TSPAN12: variants seen among roughly 807,000 people sequenced by gnomAD.
The protein encoded by TSPAN12 is tetraspanin-12.
TSPAN12 carries 19 observed loss-of-function variants against 39.2 expected under a neutral mutation model. That is an observed-to-expected ratio of 0.49 (90% CI 0.34 to 0.71). The LOEUF (loss-of-function observed/expected upper bound fraction) is 0.71, where lower values mean the gene tolerates loss of function less well. TSPAN12 is among the 30% of genes least tolerant of loss of function. TSPAN12 has a pLI of 0.01. For missense variants in TSPAN12, 314 were observed against 359.9 expected, an observed-to-expected ratio of 0.87 and a Z score of 1.03; for synonymous variants, 119 against 124.8, an observed-to-expected ratio of 0.95 and a Z score of 0.31.
rs527304802 is a variant in TSPAN12 at position 120,835,628 on chromosome 7, T to G, written c.285+3149A>C. 2.0e-5 allele frequency among the ~76,000 whole-genome samples: 3 copies of G among 152,266 alleles called. No individual in the cohort carries two copies. The South Asian group carries it at 6.2e-4, about 32-fold the overall frequency. ...GTAATTCAAAGTTTTAGTCCAATTT[T>G]ATACTCAGCAGAGAGGATAAAATTG... On this transcript the variant is annotated intron_variant, in intron 4 of 7. Transcript: ENST00000222747.
chr7:120,826,014 C>A (rs1390629094), intron 4 of TSPAN12, among the ~76,000 whole-genome samples: 1 of 152,100 alleles, frequency 6.6e-6, no homozygotes, highest in Non-Finnish European at 1.5e-5. Context: ...CGTCCCAAGC[C>A]CACCAGTATC....
At chr7:120,850,758 T>TCCCA (rs1794756147) in intron 2 of TSPAN12, among the ~76,000 whole-genome samples, 2 of 151,990 alleles carry the variant, frequency 1.3e-5, no homozygotes, top group African/African-American at 4.8e-5. Context: ...GACACGATCT[T>TCCCA]GGCTCACTGC....
Position 120,851,878 on chromosome 7 carries a change from A to G in TSPAN12, c.66+4820T>C, listed in dbSNP as rs565355986. Among the ~76,000 whole-genome samples, 34 of 152,330 alleles carry G rather than the reference A, an allele frequency of 2.2e-4. 1 individual carries two copies. The highest frequency in any genetic ancestry group is 4.3e-4 in the Non-Finnish European group (29 of 68,030). ...GGCCCAATACTTTTGTGCCGACCCC[A>G]GTACAATAGTACTAGAATCTGGCTT... On this transcript the variant is annotated intron_variant, in intron 2 of 7. Coordinates refer to ENST00000222747, the MANE Select transcript of TSPAN12 (RefSeq NM_012338.4).
intron 4 of TSPAN12, among the ~76,000 whole-genome samples, chr7:120,819,727 T>C (rs1030356331): frequency 2.6e-5 from 4 of 152,146 alleles, no homozygotes; most frequent in Non-Finnish European, 5.9e-5. Flanking sequence ...AAACATTAAA[T>C]GTCAAATTCA....
chr7:120,815,606 T>C, intron 5 of TSPAN12, 123 bp downstream of exon 5: 4 of 907,054 alleles, frequency 4.4e-6, no homozygotes, highest in Non-Finnish European at 7.0e-6. Flanking sequence ...TGTGAGTTAA[T>C]TTACAAATTA....
At chr7:120,804,441 C>G (rs1455678088) in intron 7 of TSPAN12, among the ~76,000 whole-genome samples, 1 of 152,106 alleles carries the variant, frequency 6.6e-6, no homozygotes, top group African/African-American at 2.4e-5. Context: ...CACTGAAGAA[C>G]CTACAGACAC....
intron 2 of TSPAN12, among the ~76,000 whole-genome samples, chr7:120,842,984 A>G (rs1794606694): frequency 6.6e-6 from 1 of 152,082 alleles, no homozygotes; most frequent in Non-Finnish European, 1.5e-5. Flanking sequence ...GTAATTAATT[A>G]CTATTAGTAA....
At chr7:120,808,330 C>T (rs2116354891) in intron 6 of TSPAN12, among the ~76,000 whole-genome samples, 1 of 152,214 alleles carries the variant, frequency 6.6e-6, no homozygotes, top group South Asian at 2.1e-4. Flanking sequence ...TATAATTGTC[C>T]TTCTTCAACA....
intron 7 of TSPAN12, among the ~76,000 whole-genome samples, chr7:120,802,862 C>A (rs1337093548): frequency 6.6e-6 from 1 of 152,196 alleles, no homozygotes; most frequent in Non-Finnish European, 1.5e-5. Flanking sequence ...TTTCTGCTGT[C>A]ATTTTTCACA....
rs554005290 is a variant in TSPAN12, at chr7:120,798,980, C to T, written c.612+7569G>A. ...TAAGGATTGCCTGCTCTGTATCAAC[C>T]TCCTTTTTTTGGTGCCCCACTTAAA... On this transcript the variant is annotated intron_variant, in intron 7 of 7. Transcript: ENST00000222747. 1.4e-3 allele frequency among the ~76,000 whole-genome samples: 210 copies of T among 152,196 alleles called. 1 individual carries two copies. The highest frequency in any genetic ancestry group is 4.9e-3 in the African/African-American group (204 of 41,528).
At chr7:120,855,116 T>A (rs1794846840) in intron 2 of TSPAN12, among the ~76,000 whole-genome samples, 1 of 152,192 alleles carries the variant, frequency 6.6e-6, no homozygotes, top group Non-Finnish European at 1.5e-5. Context: ...CAATGTAAAG[T>A]ATTAACAAAT....
intron 6 of TSPAN12, among the ~76,000 whole-genome samples, chr7:120,807,407 T>C (rs1793895582): frequency 6.6e-6 from 1 of 152,140 alleles, no homozygotes; most frequent in African/African-American, 2.4e-5. Context: ...GCAAAAACTG[T>C]CTCTGATCAA....
chr7:120,826,567 G>A (rs191273487), intron 4 of TSPAN12, among the ~76,000 whole-genome samples: 7 of 152,202 alleles, frequency 4.6e-5, no homozygotes, highest in Non-Finnish European at 8.8e-5. Context: ...ATGCAAACAG[G>A]AAGGAGCCTT....
chr7:120,790,031 G>C (rs1004111182), intron 7 of TSPAN12, among the ~76,000 whole-genome samples: 1 of 152,144 alleles, frequency 6.6e-6, no homozygotes, highest in Non-Finnish European at 1.5e-5. Context: ...CGTGCCCTGT[G>C]TAAATCAGAC....
At chr7:120,817,223 A>G (rs1467493259) in intron 4 of TSPAN12, among the ~76,000 whole-genome samples, 3 of 151,966 alleles carry the variant, frequency 2.0e-5, no homozygotes, top group African/African-American at 7.2e-5. Context: ...AAAGAAAAAA[A>G]GAAGAAGAAA....
intron 4 of TSPAN12, among the ~76,000 whole-genome samples, chr7:120,818,924 T>C (rs17142976): frequency 0.21 from 32,464 of 152,004 alleles, 3,757 homozygotes; most frequent in African/African-American, 0.24. Flanking sequence ...GACCTTTCTT[T>C]AATGCTTTAC....
chr7:120,793,893 T>C (rs80332802), intron 7 of TSPAN12, among the ~76,000 whole-genome samples: 1,859 of 152,364 alleles, frequency 0.012, 17 homozygotes, highest in Middle Eastern at 0.024. Context: ...GTAGTAGATA[T>C]AAAATCCCAC....
intron 4 of TSPAN12, among the ~76,000 whole-genome samples, chr7:120,835,583 A>G (rs542156524): frequency 6.6e-6 from 1 of 152,282 alleles, no homozygotes; most frequent in East Asian, 1.9e-4. Context: ...TTCCTCATCT[A>G]TATTAAGTGA....
At chr7:120,821,008 C>T (rs1410479857) in intron 4 of TSPAN12, among the ~76,000 whole-genome samples, 1 of 152,056 alleles carries the variant, frequency 6.6e-6, no homozygotes, top group East Asian at 1.9e-4. Context: ...AACGTGCAGA[C>T]TCTCCCCATC....
Sources: allele counts gnomAD v4.1 joint callset (sites outside exome capture counted in the v4.1 genomes callset), GRCh38; gene constraint gnomAD v4.1.1; transcripts MANE v1.5; gene names NCBI Gene and HGNC (gene_info 2026-07-23, HGNC 2026-07-21).